TENM2: variants seen among roughly 807,000 people sequenced by gnomAD.
The protein encoded by TENM2 is teneurin transmembrane protein 2.
A neutral mutation model predicts 245.2 loss-of-function variants in TENM2; 52 were observed. The observed-to-expected ratio is 0.21, with a 90% CI of 0.17 to 0.27. The LOEUF is 0.27. TENM2 is among the 10% of genes least tolerant of loss of function. The pLI is 1.00. For synonymous variants in TENM2, 1,363 were observed against 1,438.9 expected (o/e 0.95, Z 1.19); for missense variants, 3,046 against 3,666.8 (o/e 0.83, Z 4.37).
At chr5:168,098,391 C>G (rs965274848) in intron 9 of TENM2, among the ~76,000 whole-genome samples, 1 of 152,122 alleles carries the variant, frequency 6.6e-6, no homozygotes, top group African/African-American at 2.4e-5. Context: ...ATGAGATGGT[C>G]GGATTTCCTG....
intron 2 of TENM2, among the ~76,000 whole-genome samples, chr5:167,547,796 T>A (rs1772665107): frequency 6.6e-6 from 1 of 152,222 alleles, no homozygotes; most frequent in Non-Finnish European, 1.5e-5. Context: ...ATTTAATTAC[T>A]TCTATTTTTC....
chr5:167,244,092 T>C, the TENM2 span, among the ~76,000 whole-genome samples: 2 of 152,194 alleles, frequency 1.3e-5, no homozygotes, highest in African/African-American at 4.8e-5. Flanking sequence ...TCTATTATTA[T>C]TTGCAGTTTA....
chr5:167,839,665 T>C (rs1445175962), intron 2 of TENM2, among the ~76,000 whole-genome samples: 1 of 152,176 alleles, frequency 6.6e-6, no homozygotes, highest in Non-Finnish European at 1.5e-5. Flanking sequence ...TCTATTGATA[T>C]TGAAAATATA....
chr5:167,942,065 G>A (rs1225812679), intron 3 of TENM2, among the ~76,000 whole-genome samples: 5 of 152,064 alleles, frequency 3.3e-5, no homozygotes, highest in African/African-American at 4.8e-5. Flanking sequence ...AAAATTAGCC[G>A]GATGTGGTGA....
intron 2 of TENM2, among the ~76,000 whole-genome samples, chr5:167,532,315 A>G (rs1441266205): frequency 6.6e-6 from 1 of 151,922 alleles, no homozygotes; most frequent in African/African-American, 2.4e-5. Context: ...CTCTTTTTAT[A>G]TATATATGTA....
chr5:167,378,225 A>G (rs999370882), intron 2 of TENM2, among the ~76,000 whole-genome samples: 1 of 152,124 alleles, frequency 6.6e-6, no homozygotes, highest in African/African-American at 2.4e-5. Flanking sequence ...TTCAGTCTGC[A>G]AAGTCATATA....
At chr5:168,149,299 C>T (rs1756429653) in intron 12 of TENM2, 1 of 452,924 alleles carries the variant, frequency 2.2e-6, no homozygotes, top group Non-Finnish European at 4.4e-6. Context: ...TTCATCTCCA[C>T]ATGTTATTTT....
At chr5:167,261,068 C>T in the TENM2 span, among the ~76,000 whole-genome samples, 12 of 152,280 alleles carry the variant, frequency 7.9e-5, no homozygotes, top group Admixed American at 6.5e-4. Flanking sequence ...GGACCAGCTG[C>T]ATCAGCATTA....
At chr5:167,066,243 C>T in the TENM2 span, among the ~76,000 whole-genome samples, 1 of 152,016 alleles carries the variant, frequency 6.6e-6, no homozygotes, top group Admixed American at 6.6e-5. Flanking sequence ...TACTATATTA[C>T]CAAACCAAGG....
rs575598110 is a variant in TENM2 at position 168,070,783 on chromosome 5, G to T, written c.1515+8518G>T. Among the ~76,000 whole-genome samples, 3 of 116,428 alleles carry T rather than the reference G, an allele frequency of 2.6e-5. No homozygotes were observed. In the South Asian group the frequency reaches 9.3e-4, roughly 36 times the overall value. The allele number at this position is 116,428 out of a possible 152,430, so 76.4% of individuals were successfully genotyped here. Reference sequence around the variant, plus strand: ...TGGGCAAAAGAGTGAGATCCTGTCAGAAAGAAAGAAAGAGAGAGAGAGAGA... The same window carrying T: ...TGGGCAAAAGAGTGAGATCCTGTCATAAAGAAAGAAAGAGAGAGAGAGAGA... On this transcript the variant is annotated intron_variant, in intron 7 of 28. Coordinates refer to ENST00000518659, the Ensembl canonical transcript of TENM2.
intron 2 of TENM2, among the ~76,000 whole-genome samples, chr5:167,775,966 A>G (rs1763735935): frequency 6.6e-6 from 1 of 152,188 alleles, no homozygotes; most frequent in Admixed American, 6.5e-5. Context: ...AAGAGCAGAG[A>G]TGGGAAATTC....
chr5:167,704,141 T>C (rs1430337448), intron 2 of TENM2, among the ~76,000 whole-genome samples: 1 of 152,172 alleles, frequency 6.6e-6, no homozygotes, highest in African/African-American at 2.4e-5. Flanking sequence ...TTAAAGCTTT[T>C]AATCACTCAT....
chr5:167,418,313 C>CA (rs57972287), intron 2 of TENM2, among the ~76,000 whole-genome samples: 5,521 of 135,368 alleles, frequency 0.041, 294 homozygotes, highest in African/African-American at 0.13. Flanking sequence ...GAAACTGTCT[C>CA]AAAAAAAAAA....
At chr5:168,148,191 C>A (rs1220193902) in intron 12 of TENM2, among the ~76,000 whole-genome samples, 1 of 152,154 alleles carries the variant, frequency 6.6e-6, no homozygotes, top group Non-Finnish European at 1.5e-5. Flanking sequence ...TGTGACTTAG[C>A]AGAAACAGAC....
intron 2 of TENM2, among the ~76,000 whole-genome samples, chr5:167,569,279 C>A (rs1388622287): frequency 6.6e-6 from 1 of 151,634 alleles, no homozygotes; most frequent in Non-Finnish European, 1.5e-5. Context: ...AAACTTAATC[C>A]CCATGAGCAT....
At chr5:167,302,919 G>A (rs1755430689) in intron 1 of TENM2, among the ~76,000 whole-genome samples, 1 of 152,146 alleles carries the variant, frequency 6.6e-6, no homozygotes, top group African/African-American at 2.4e-5. Flanking sequence ...AAACACCAAG[G>A]GAAGGCTGCC....
chr5:167,158,907 CCTCTTCCTCT>C, the TENM2 span, among the ~76,000 whole-genome samples: 4 of 128,912 alleles, frequency 3.1e-5, no homozygotes, highest in East Asian at 2.3e-4. Context: ...TTCCTTCCTT[CCTCTTCCTCT>C]CTCTCTCTCT....
chr5:167,590,532 A>G (rs1775806222), intron 2 of TENM2, among the ~76,000 whole-genome samples: 1 of 152,082 alleles, frequency 6.6e-6, no homozygotes, highest in Non-Finnish European at 1.5e-5. Flanking sequence ...GCAAGTTTAT[A>G]GTAAGCTTAA....
intron 1 of TENM2, among the ~76,000 whole-genome samples, chr5:167,285,408 C>G (rs1771280435): frequency 6.6e-6 from 1 of 152,102 alleles, no homozygotes; most frequent in Non-Finnish European, 1.5e-5. Flanking sequence ...GCCCTTTTCC[C>G]TCTACTAAAA....
Sources: allele counts gnomAD v4.1 joint callset (sites outside exome capture counted in the v4.1 genomes callset), GRCh38; gene constraint gnomAD v4.1.1; transcripts MANE v1.5; gene names NCBI Gene and HGNC (gene_info 2026-07-23, HGNC 2026-07-21).